The following MAN2A1 variants were observed in gnomAD, a reference collection of about 807,000 sequenced individuals.
MAN2A1 encodes mannosidase alpha class 2A member 1.
Under a neutral mutation model 142.6 loss-of-function variants are expected in MAN2A1, and 76 were observed. The observed-to-expected ratio is 0.53, with a 90% CI of 0.44 to 0.65. The LOEUF (loss-of-function observed/expected upper bound fraction) is 0.65. MAN2A1 is among the 30% of genes least tolerant of loss of function. MAN2A1 has a pLI of 0.00. For missense variants in MAN2A1, 1,311 were observed against 1,365.1 expected (o/e 0.96, Z 0.62); for synonymous variants, 559 against 473.2 (o/e 1.18, Z -2.35).
chr5:109,810,049 AT>A (rs1754275770), intron 12 of MAN2A1, among the ~76,000 whole-genome samples: 1 of 151,814 alleles, frequency 6.6e-6, no homozygotes. Flanking sequence ...TTAGAATTTC[AT>A]TTGATTATTT....
intron 13 of MAN2A1, among the ~76,000 whole-genome samples, chr5:109,818,419 G>A (rs1754529517): frequency 6.6e-6 from 1 of 152,018 alleles, no homozygotes; most frequent in Non-Finnish European, 1.5e-5. Flanking sequence ...CTTTTAGATA[G>A]AAAGGTAAAC....
intron 6 of MAN2A1, among the ~76,000 whole-genome samples, 175 bp from the exon 7 acceptor site, chr5:109,770,180 T>C (rs1753105243): frequency 6.6e-6 from 1 of 152,190 alleles, no homozygotes; most frequent in Non-Finnish European, 1.5e-5. Context: ...AGTATCTTCC[T>C]TCAGACAGGT....
intron 4 of MAN2A1, among the ~76,000 whole-genome samples, chr5:109,736,821 C>T (rs1752113733): frequency 1.3e-5 from 2 of 152,098 alleles, no homozygotes; most frequent in South Asian, 2.1e-4. Context: ...CTTCTACTCA[C>T]TTTCACTAAT....
chr5:109,848,559 C>T (rs1051911582), intron 19 of MAN2A1, among the ~76,000 whole-genome samples: 11 of 152,130 alleles, frequency 7.2e-5, no homozygotes, highest in African/African-American at 2.7e-4. Context: ...AACATCTACT[C>T]CCACCCTTCC....
intron 15 of MAN2A1, among the ~76,000 whole-genome samples, chr5:109,822,729 A>G (rs1042919915): frequency 6.6e-6 from 1 of 152,070 alleles, no homozygotes. Context: ...CCAGGCTGGA[A>G]TGCAGTGGCG....
chr5:109,823,801 C>G lies in MAN2A1; in HGVS notation c.2530C>G (p.His844Asp). 6.2e-7 allele frequency: 1 copy of G among 1,604,218 alleles called. No homozygotes were observed. The part of the protein sequence containing the change: ...IYSEVTCFFD[H>D]VTHRVRLYHI... The stretch of plus-strand genomic sequence containing the variant: ...TTCGGAAGTGACTTGCTTTTTTGAC[C>G]ATGTTACTCATAGAGTCCGACTATA... The change falls in exon 16 of 22, where the codon CAT becomes GAT. Residue 844 changes from histidine (H) to aspartate (D), a missense_variant. His to Asp is a moderately conservative substitution (Grantham distance 81, BLOSUM62 -1). Coordinates refer to ENST00000261483, the MANE Select transcript of MAN2A1 (RefSeq NM_002372.4).
At chr5:109,813,842 A>G (rs28446907) in intron 12 of MAN2A1, among the ~76,000 whole-genome samples, 1,717 of 152,358 alleles carry the variant, frequency 0.011, 18 homozygotes, top group Middle Eastern at 0.02. Context: ...GGATTCTTCC[A>G]TAAAGTGATT....
intron 20 of MAN2A1, among the ~76,000 whole-genome samples, chr5:109,861,622 T>G (rs938045082): frequency 6.6e-6 from 1 of 152,222 alleles, no homozygotes; most frequent in African/African-American, 2.4e-5. Flanking sequence ...TCATCCCATC[T>G]TACAGAATAG....
intron 3 of MAN2A1, among the ~76,000 whole-genome samples, chr5:109,726,678 C>G (rs994240516): frequency 1.2e-4 from 19 of 152,122 alleles, no homozygotes; most frequent in African/African-American, 4.6e-4. Flanking sequence ...TCATTCATCA[C>G]AGATTATAAC....
intron 1 of MAN2A1, among the ~76,000 whole-genome samples, chr5:109,699,265 T>TA (rs1446931666): frequency 3.3e-5 from 5 of 152,304 alleles, no homozygotes; most frequent in Admixed American, 3.3e-4. Flanking sequence ...TACATCAACA[T>TA]ACCTTATATC....
At chr5:109,701,673 G>T (rs1750987454) in intron 1 of MAN2A1, among the ~76,000 whole-genome samples, 1 of 152,178 alleles carries the variant, frequency 6.6e-6, no homozygotes, top group African/African-American at 2.4e-5. Context: ...TAGACATAAG[G>T]CAGTAAATCC....
At chr5:109,740,990 G>T (rs1752253041) in intron 4 of MAN2A1, among the ~76,000 whole-genome samples, 1 of 151,914 alleles carries the variant, frequency 6.6e-6, no homozygotes. Context: ...TACAAAAATG[G>T]CAATTTCATG....
At chr5:109,736,832 G>C (rs569794677) in intron 4 of MAN2A1, among the ~76,000 whole-genome samples, 2 of 152,000 alleles carry the variant, frequency 1.3e-5, no homozygotes, top group East Asian at 3.9e-4. Flanking sequence ...TTTCACTAAT[G>C]CTAAATGAGC....
At chr5:109,776,697 C>G (rs777751424) in intron 8 of MAN2A1, among the ~76,000 whole-genome samples, 7 of 152,088 alleles carry the variant, frequency 4.6e-5, no homozygotes, top group African/African-American at 7.2e-5. Context: ...TCCATGTAAC[C>G]ATCATCCAGA....
intron 19 of MAN2A1, among the ~76,000 whole-genome samples, chr5:109,848,810 C>T (rs1269093095): frequency 1.3e-5 from 2 of 152,190 alleles, no homozygotes; most frequent in African/African-American, 4.8e-5. Context: ...AGCCTTCCTT[C>T]AGACTCTTAT....
At chr5:109,743,805 G>A (rs568063216) in intron 4 of MAN2A1, among the ~76,000 whole-genome samples, 51 of 152,288 alleles carry the variant, frequency 3.3e-4, no homozygotes, top group African/African-American at 1.2e-3. Flanking sequence ...GTCCCACCAT[G>A]TTTGCTTTAA....
intron 12 of MAN2A1, among the ~76,000 whole-genome samples, chr5:109,812,082 G>A (rs1754334537): frequency 6.6e-6 from 1 of 152,166 alleles, no homozygotes; most frequent in African/African-American, 2.4e-5. Flanking sequence ...TCTTGTAAGG[G>A]AAAGGAGAGA....
At chr5:109,796,908 G>A (rs1001700577) in intron 12 of MAN2A1, among the ~76,000 whole-genome samples, 1 of 152,112 alleles carries the variant, frequency 6.6e-6, no homozygotes, top group East Asian at 1.9e-4. Flanking sequence ...CTTATTGTGT[G>A]TCTCACTTGG....
chr5:109,788,562 C>A (rs760982424), intron 10 of MAN2A1, among the ~76,000 whole-genome samples: 2 of 151,740 alleles, frequency 1.3e-5, no homozygotes, highest in Non-Finnish European at 2.9e-5. Flanking sequence ...ATTGTTAAAA[C>A]CCTTGTTAGA....
Sources: gnomAD v4.1 joint callset for allele counts (sites outside exome capture counted in the v4.1 genomes callset) on GRCh38, gnomAD v4.1.1 for gene constraint, MANE v1.5 for transcripts, NCBI Gene and HGNC (gene_info 2026-07-23, HGNC 2026-07-21) for gene names.